NMD3: variants seen among roughly 807,000 people sequenced by gnomAD.
NMD3 encodes the protein 60S ribosomal export protein NMD3.
Under a neutral mutation model 73.1 loss-of-function variants are expected in NMD3, and 47 were observed. The ratio of observed to expected loss-of-function variants is 0.64; its 90% CI spans 0.51 to 0.82. NMD3 has a LOEUF of 0.82. NMD3 is among the 40% of genes least tolerant of loss of function. NMD3 has a pLI of 0.00. For synonymous variants in NMD3, 210 were observed against 194.5 expected (o/e 1.08, Z -0.66); for missense variants, 554 against 612.5 (o/e 0.90, Z 1.01).
intron 3 of NMD3, 55 bp downstream of exon 3, chr3:161,225,119 C>G (rs1736264824): frequency 6.5e-7 from 1 of 1,549,748 alleles, no homozygotes; most frequent in Non-Finnish European, 8.8e-7. Flanking sequence ...ATTTAGAGAA[C>G]CACCGAGATA....
intron 11 of NMD3, among the ~76,000 whole-genome samples, chr3:161,244,209 A>T (rs1375892547): frequency 3.3e-5 from 5 of 152,178 alleles, no homozygotes; most frequent in Non-Finnish European, 5.9e-5. Context: ...AGCTCACTGC[A>T]GCCTCAAACT....
At chr3:161,235,698 C>T (rs778781243) in intron 7 of NMD3, among the ~76,000 whole-genome samples, 3 of 152,064 alleles carry the variant, frequency 2.0e-5, no homozygotes, top group East Asian at 1.9e-4. Context: ...TCCTAAGGGA[C>T]GTCTTTTCAG....
chr3:161,223,774 C>G (rs1736202289), intron 2 of NMD3, among the ~76,000 whole-genome samples: 1 of 152,174 alleles, frequency 6.6e-6, no homozygotes, highest in Admixed American at 6.5e-5. Flanking sequence ...ATTCTTGATA[C>G]AGGATTTTCT....
chr3:161,232,601 G>A (rs1156253728), intron 4 of NMD3, among the ~76,000 whole-genome samples: 5 of 152,128 alleles, frequency 3.3e-5, no homozygotes, highest in Admixed American at 3.3e-4. Context: ...GCATCATTCT[G>A]GAGTCTGTTC....
intron 7 of NMD3, among the ~76,000 whole-genome samples, chr3:161,235,742 A>C (rs1374747678): frequency 2.6e-5 from 4 of 152,000 alleles, no homozygotes; most frequent in African/African-American, 4.8e-5. Flanking sequence ...CAGGTATTCT[A>C]CCCCTTGAGT....
At chr3:161,232,136 C>CTTT (rs11301799) in intron 4 of NMD3, among the ~76,000 whole-genome samples, 5 of 96,406 alleles carry the variant, frequency 5.2e-5, no homozygotes, top group African/African-American at 3.8e-5. Context: ...GCCTTTGGGG[C>CTTT]TTTTTTTTTT....
chr3:161,247,789 CA>C (rs71302250), intron 13 of NMD3, among the ~76,000 whole-genome samples: 81 of 137,268 alleles, frequency 5.9e-4, no homozygotes, highest in Admixed American at 7.3e-4. Flanking sequence ...AACTCAGTCT[CA>C]AAAAAAAAAA....
intron 13 of NMD3, among the ~76,000 whole-genome samples, chr3:161,248,166 G>T (rs556328189): frequency 2.6e-5 from 4 of 151,882 alleles, no homozygotes; most frequent in South Asian, 4.2e-4. Flanking sequence ...TTTCATTCTC[G>T]ATCAAAATAC....
At chr3:161,250,470 AC>A in intron 15 of NMD3, 144 bp downstream of exon 15, 1 of 587,554 alleles carries the variant, frequency 1.7e-6, no homozygotes. Context: ...CTACAAAAAA[AC>A]TTGCAAAACA....
At chr3:161,231,040 C>G (rs1736522780) in intron 4 of NMD3, among the ~76,000 whole-genome samples, 1 of 152,148 alleles carries the variant, frequency 6.6e-6, no homozygotes, top group African/African-American at 2.4e-5. Context: ...GTTCTGTCAG[C>G]CACATAGTCA....
At chr3:161,232,732 T>C (rs1736589857) in intron 4 of NMD3, among the ~76,000 whole-genome samples, 2 of 152,306 alleles carry the variant, frequency 1.3e-5, no homozygotes, top group South Asian at 4.1e-4. Context: ...CATCTGCTTT[T>C]GTTATTTCCA....
At chr3:161,234,279 A>G (rs1400594460) in intron 5 of NMD3, among the ~76,000 whole-genome samples, 1 of 151,880 alleles carries the variant, frequency 6.6e-6, no homozygotes, top group Admixed American at 6.6e-5. Context: ...CATCTCTACT[A>G]AAAATACAAA....
Position 161,221,992 on chromosome 3 carries a change from AGAAC to A in NMD3, c.-20-1_-18del. ...TTTTTTTTTTTTTTTTTTTTTTAAA[AGAAC>A]TTAAGGCATACAGAACGATGGAGTA... On this transcript the variant is annotated splice_acceptor_variant and 5_prime_UTR_variant, in exon 2 of 16. Transcript: ENST00000351193. LOFTEE classifies it low-confidence loss of function (5UTR_SPLICE). 7.8e-7 allele frequency: 1 copy of A among 1,289,730 alleles called. No individual in the cohort carries two copies. The highest frequency in any genetic ancestry group is 1.1e-6 in the Non-Finnish European group (1 of 950,216). 79.9% of individuals were successfully genotyped at this position (1,289,730 alleles called of 1,614,324 possible).
intron 4 of NMD3, among the ~76,000 whole-genome samples, chr3:161,228,533 T>C (rs1208349880): frequency 6.6e-6 from 1 of 152,160 alleles, no homozygotes; most frequent in Non-Finnish European, 1.5e-5. Context: ...ATTTTGATAA[T>C]AGGACTTTTT....
Position 161,235,129 on chromosome 3 carries a change from A to C in NMD3, c.494A>C (p.His165Pro). Reference protein sequence around the residue: ...AVIQVRQKTLHKKTFYYLEQL... With the variant: ...AVIQVRQKTLPKKTFYYLEQL... ...AAATAATTTATATTTTAGACTTTGC[A>C]TAAAAAAACTTTCTACTATCTGGAA... The change falls in exon 7 of 16, where the codon CAT becomes CCT. Residue 165 changes from histidine (H) to proline (P), a missense_variant. Coordinates refer to ENST00000351193, the MANE Select transcript of NMD3 (RefSeq NM_015938.5). 1 of 1,484,780 alleles carries C rather than the reference A, an allele frequency of 6.7e-7. No homozygotes were observed. Among genetic ancestry groups the C allele is most frequent in the East Asian group, 2.3e-5 (1 of 43,980 alleles). 92.0% of individuals were successfully genotyped at this position (1,484,780 alleles called of 1,614,324 possible). A position where few individuals can be genotyped will look rare whatever the true frequency, so the allele number is the denominator to read the frequency against.
chr3:161,236,502 A>G lies in NMD3; in HGVS notation c.577+1290A>G, dbSNP rs183579330. 2.2e-3 allele frequency among the ~76,000 whole-genome samples: 333 copies of G among 152,178 alleles called. 1 individual carries two copies. Among genetic ancestry groups the G allele is most frequent in the Middle Eastern group, 0.01 (3 of 294 alleles). ...ATATGGTTTGCACATATTTTCTCCT[A>G]GTGTGTAGGAGAAAATTCACACTCT... On this transcript the variant is annotated intron_variant, in intron 7 of 15. Coordinates refer to ENST00000351193, the MANE Select transcript of NMD3 (RefSeq NM_015938.5).
At chr3:161,245,103 T>TAAAAGAAGCCAG in intron 11 of NMD3, among the ~76,000 whole-genome samples, 1 of 151,932 alleles carries the variant, frequency 6.6e-6, no homozygotes, top group South Asian at 2.1e-4. Flanking sequence ...TCTGGCTTCT[T>TAAAAGAAGCCAG]TTACTGTGAA....
rs1307827337 is a variant in NMD3 at position 161,242,574 on chromosome 3, T to A, written c.938T>A (p.Leu313Gln). Reference protein sequence around the residue: ...PFNSLCHPKQLEEFIVMECSI... With the variant: ...PFNSLCHPKQQEEFIVMECSI... ...AATAGTTTATGTCATCCCAAACAGC[T>A]AGAGGAGTTTATTGTGATGGAATGC... Residue 313 changes from leucine (L) to glutamine (Q), a missense_variant, in exon 11 of 16, where the codon CTA becomes CAA. Physicochemically the swap from Leu to Gln is moderately radical, Grantham distance 113. Transcript: ENST00000351193. The A allele has an allele frequency of 3.7e-6, 6 of 1,613,786 alleles. No homozygotes were observed. The Admixed American group carries it at 8.3e-5, about 22-fold the overall frequency.
intron 13 of NMD3, among the ~76,000 whole-genome samples, chr3:161,248,911 G>A (rs760585264): frequency 3.9e-4 from 59 of 152,200 alleles, no homozygotes; most frequent in Admixed American, 2.2e-3. Flanking sequence ...AATTAACAGC[G>A]TGGTTGGAGT....
Sources: gnomAD v4.1 joint callset for allele counts (sites outside exome capture counted in the v4.1 genomes callset) on GRCh38, gnomAD v4.1.1 for gene constraint, MANE v1.5 for transcripts, NCBI Gene and HGNC (gene_info 2026-07-23, HGNC 2026-07-21) for gene names.